Variants in RSPO2 observed in about 807,000 individuals in gnomAD.
RSPO2 encodes the protein R-spondin-2.
RSPO2 carries 14 observed loss-of-function variants against 30.9 expected under a neutral mutation model. The ratio of observed to expected loss-of-function variants is 0.45; its 90% confidence interval spans 0.30 to 0.71. The LOEUF (loss-of-function observed/expected upper bound fraction) is 0.71, where lower values mean the gene tolerates loss of function less well. Ranked by LOEUF, RSPO2 falls within the 30% of genes least tolerant of loss-of-function variation. The pLI, the probability that RSPO2 is intolerant of heterozygous loss-of-function variation, is 0.08. For synonymous variants in RSPO2, 107 were observed against 96.4 expected (o/e 1.11, Z -0.64); for missense variants, 264 against 301.9 (o/e 0.87, Z 0.93).
At chr8:107,947,244 T>C (rs1051629580) in intron 5 of RSPO2, among the ~76,000 whole-genome samples, 2 of 152,202 alleles carry the variant, frequency 1.3e-5, no homozygotes, top group African/African-American at 4.8e-5. Flanking sequence ...ATTTGATTTG[T>C]GTACTTTAAA....
chr8:107,927,454 A>G (rs1276298916), intron 5 of RSPO2, among the ~76,000 whole-genome samples: 5 of 152,114 alleles, frequency 3.3e-5, no homozygotes, highest in African/African-American at 1.2e-4. Context: ...GTGGTGAGAG[A>G]GGGCATCCCT....
At chr8:107,953,847 C>A (rs140633101) in intron 5 of RSPO2, among the ~76,000 whole-genome samples, 1 of 152,250 alleles carries the variant, frequency 6.6e-6, no homozygotes, top group African/African-American at 2.4e-5. Flanking sequence ...GATCTCTGAT[C>A]AAATGTAACT....
intron 3 of RSPO2, among the ~76,000 whole-genome samples, chr8:107,985,262 T>C (rs933575774): frequency 1.1e-4 from 16 of 152,206 alleles, no homozygotes; most frequent in African/African-American, 3.6e-4. Context: ...TATATATCTT[T>C]AAAACATGTA....
intron 5 of RSPO2, among the ~76,000 whole-genome samples, chr8:107,941,889 A>C (rs1276995955): frequency 6.6e-6 from 1 of 151,948 alleles, no homozygotes; most frequent in African/African-American, 2.4e-5. Context: ...GATTTGAATT[A>C]GGTTCTAGAA....
intron 2 of RSPO2, among the ~76,000 whole-genome samples, chr8:108,042,930 C>A (rs1256362683): frequency 6.6e-6 from 1 of 152,110 alleles, no homozygotes; most frequent in Non-Finnish European, 1.5e-5. Flanking sequence ...TGCCTATGAG[C>A]TTCATACTCC....
chr8:107,980,740 A>G (rs938796325), intron 3 of RSPO2, among the ~76,000 whole-genome samples: 2 of 152,146 alleles, frequency 1.3e-5, no homozygotes, highest in African/African-American at 4.8e-5. Flanking sequence ...CACCCAGGTT[A>G]GATGGTGAAG....
chr8:108,039,126 T>C (rs145587572), intron 2 of RSPO2, among the ~76,000 whole-genome samples: 363 of 152,288 alleles, frequency 2.4e-3, no homozygotes, highest in African/African-American at 8.4e-3. Context: ...TTTCCTGACA[T>C]TTCCATTTAT....
chr8:108,059,565 C>G (rs1055774718), intron 2 of RSPO2, among the ~76,000 whole-genome samples: 11 of 149,894 alleles, frequency 7.3e-5, no homozygotes, highest in Admixed American at 6.6e-4. Context: ...ATGTTTATTG[C>G]GGCACTATTC....
chr8:107,936,871 C>A (rs1272854099), intron 5 of RSPO2, among the ~76,000 whole-genome samples: 1 of 152,022 alleles, frequency 6.6e-6, no homozygotes, highest in African/African-American at 2.4e-5. Context: ...TGTTTGAGAT[C>A]TTTGCATATT....
chr8:107,999,917 A>C (rs1471329873), intron 2 of RSPO2, among the ~76,000 whole-genome samples: 1 of 152,182 alleles, frequency 6.6e-6, no homozygotes, highest in Admixed American at 6.5e-5. Context: ...GCACCTCTGA[A>C]GGACATTCAC....
chr8:107,951,737 C>T (rs1468522337), intron 5 of RSPO2, among the ~76,000 whole-genome samples: 3 of 152,096 alleles, frequency 2.0e-5, no homozygotes, highest in Non-Finnish European at 2.9e-5. Flanking sequence ...CACTCACTCC[C>T]GGCCCCCAAG....
chr8:108,066,446 A>G (rs533749002), intron 2 of RSPO2, among the ~76,000 whole-genome samples: 1 of 135,838 alleles, frequency 7.4e-6, no homozygotes, highest in Admixed American at 7.0e-5. Context: ...AAAAACCAAC[A>G]AGTCTTTTTT....
At chr8:107,944,990 A>G (rs1459104592) in intron 5 of RSPO2, among the ~76,000 whole-genome samples, 1 of 152,092 alleles carries the variant, frequency 6.6e-6, no homozygotes, top group African/African-American at 2.4e-5. Flanking sequence ...CTCTAGGCCT[A>G]GAGTTTCCTT....
chr8:107,976,690 C>T (rs116569394), intron 3 of RSPO2, among the ~76,000 whole-genome samples: 2 of 152,290 alleles, frequency 1.3e-5, no homozygotes, highest in South Asian at 4.1e-4. Context: ...ATTTAAGGCA[C>T]CTGTCCAACC....
chr8:107,986,537 T>C (rs1294517596), intron 3 of RSPO2, among the ~76,000 whole-genome samples: 2 of 152,220 alleles, frequency 1.3e-5, no homozygotes, highest in African/African-American at 2.4e-5. Context: ...TCCATTGATA[T>C]ACTACAAAGT....
intron 2 of RSPO2, among the ~76,000 whole-genome samples, chr8:108,003,277 GTATATATATATATA>G: frequency 1.8e-5 from 1 of 56,384 alleles, no homozygotes; most frequent in African/African-American, 6.0e-5. Flanking sequence ...GTGTGTGTGT[GTATATATATATATA>G]TATATATATA....
intron 2 of RSPO2, chr8:108,082,087 C>A (rs1813217079): frequency 5.0e-6 from 1 of 199,658 alleles, no homozygotes; most frequent in South Asian, 1.6e-4. Context: ...AGGTCAAGTC[C>A]GAAGAGATCT....
intron 2 of RSPO2, among the ~76,000 whole-genome samples, chr8:108,002,053 TAA>T (rs928895700): frequency 6.6e-6 from 1 of 151,928 alleles, no homozygotes; most frequent in East Asian, 1.9e-4. Flanking sequence ...TAAAGTATAA[TAA>T]AAAAAAGTTA....
At chr8:108,081,331 T>C (rs1813187217) in intron 2 of RSPO2, among the ~76,000 whole-genome samples, 1 of 152,310 alleles carries the variant, frequency 6.6e-6, no homozygotes, top group Admixed American at 6.5e-5. Flanking sequence ...AAAATCTGGA[T>C]GCAGGAGCGG....
Sources: allele counts gnomAD v4.1 joint callset (sites outside exome capture counted in the v4.1 genomes callset), GRCh38; gene constraint gnomAD v4.1.1; transcripts MANE v1.5; gene names NCBI Gene and HGNC (gene_info 2026-07-23, HGNC 2026-07-21).